The following NOTCH2NLC variants were observed in gnomAD, a reference collection of about 807,000 sequenced individuals.
The protein encoded by NOTCH2NLC is notch homolog 2 N-terminal-like protein C.
NOTCH2NLC carries 4 observed loss-of-function variants against 17.7 expected under a neutral mutation model. That is an observed-to-expected ratio of 0.23 (90% CI 0.11 to 0.52). The LOEUF is 0.52. NOTCH2NLC is among the 20% of genes least tolerant of loss of function. The pLI, the probability that NOTCH2NLC is intolerant of heterozygous loss-of-function variation, is 0.96. For synonymous variants in NOTCH2NLC, 18 were observed against 86.0 expected, an observed-to-expected ratio of 0.21 and a Z score of 4.38; for missense variants, 57 against 207.2, an observed-to-expected ratio of 0.28 and a Z score of 4.45.
chr1:149,390,711 G>C lies in NOTCH2NLC; in HGVS notation c.-77G>C, dbSNP rs1365508779. The stretch of plus-strand genomic sequence containing the variant: ...GGCATTTGCGCCTGTGCTTCGGACC[G>C]TAGCGCCAGGGCCTGAGCCTTTGAA... On this transcript the variant is annotated 5_prime_UTR_variant, in exon 1 of 5. Coordinates refer to ENST00000650865, the MANE Select transcript of NOTCH2NLC (RefSeq NM_001364013.2). 3 of 1,245,032 alleles carry C rather than the reference G, an allele frequency of 2.4e-6. No homozygotes were observed. The highest frequency in any genetic ancestry group is 1.6e-5 in the African/African-American group (1 of 62,308). 77.1% of individuals were successfully genotyped at this position (1,245,032 alleles called of 1,614,324 possible). A position where few individuals can be genotyped will look rare whatever the true frequency, so the allele number is the denominator to read the frequency against.
At chr1:149,460,873 TTCTTTCTTTC>T (rs2084642964) in intron 3 of NOTCH2NLC, among the ~76,000 whole-genome samples, 2 of 95,494 alleles carry the variant, frequency 2.1e-5, no homozygotes, top group Non-Finnish European at 4.6e-5. Context: ...CTTTCTTTCT[TTCTTTCTTTC>T]TTTCTTTCTT....
chr1:149,422,989 AG>A (rs1200146392), intron 1 of NOTCH2NLC, among the ~76,000 whole-genome samples: 2 of 145,608 alleles, frequency 1.4e-5, no homozygotes, highest in Non-Finnish European at 3.0e-5. Flanking sequence ...TAGTATGAAA[AG>A]TCTATTAGTA....
At chr1:149,417,399 C>A (rs1444238491) in intron 1 of NOTCH2NLC, among the ~76,000 whole-genome samples, 2 of 151,180 alleles carry the variant, frequency 1.3e-5, no homozygotes, top group Admixed American at 1.3e-4. Context: ...TGAGCCACCG[C>A]GCCCGGCCGG....
intron 1 of NOTCH2NLC, among the ~76,000 whole-genome samples, chr1:149,429,811 G>A (rs1264084541): frequency 4.7e-5 from 7 of 150,336 alleles, no homozygotes; most frequent in Non-Finnish European, 8.9e-5. Flanking sequence ...AGAGTGGTGT[G>A]GGTAGAGGAA....
chr1:149,451,790 C>CTGTTTG (rs2084592355), intron 2 of NOTCH2NLC, among the ~76,000 whole-genome samples: 1 of 82,260 alleles, frequency 1.2e-5, no homozygotes, highest in Non-Finnish European at 2.4e-5. Context: ...TGTGTTATGG[C>CTGTTTG]CTTTGCATTT....
intron 1 of NOTCH2NLC, among the ~76,000 whole-genome samples, chr1:149,392,510 TG>T (rs1234991743): frequency 6.7e-6 from 1 of 149,004 alleles, no homozygotes; most frequent in Non-Finnish European, 1.5e-5. Context: ...CTGTTGTTTC[TG>T]AAGCATTTAA....
chr1:149,415,106 G>T (rs2101475134), intron 1 of NOTCH2NLC, among the ~76,000 whole-genome samples: 1 of 110,908 alleles, frequency 9.0e-6, no homozygotes, highest in East Asian at 3.4e-4. Flanking sequence ...TAGAGTTAGG[G>T]CTTGGTAAAG....
chr1:149,424,692 A>C (rs1364707147), intron 1 of NOTCH2NLC, among the ~76,000 whole-genome samples: 1 of 151,140 alleles, frequency 6.6e-6, no homozygotes, highest in Non-Finnish European at 1.5e-5. Context: ...CTGAGGCTGA[A>C]TAATTTATAA....
At chr1:149,430,399 T>C (rs1464492629) in intron 1 of NOTCH2NLC, among the ~76,000 whole-genome samples, 3 of 140,066 alleles carry the variant, frequency 2.1e-5, no homozygotes, top group African/African-American at 8.0e-5. Context: ...TCTCCTTTTT[T>C]CTGGATCCTA....
chr1:149,454,575 A>G (rs1361336483), intron 2 of NOTCH2NLC, among the ~76,000 whole-genome samples: 3 of 150,560 alleles, frequency 2.0e-5, no homozygotes, highest in African/African-American at 7.3e-5. Context: ...TGGTGTTTAT[A>G]TGGTATCTTA....
At chr1:149,433,732 C>T (rs1227405267) in intron 2 of NOTCH2NLC, among the ~76,000 whole-genome samples, 8 of 148,702 alleles carry the variant, frequency 5.4e-5, no homozygotes, top group African/African-American at 2.0e-4. Context: ...CTCATACTCT[C>T]CAACCAAGGT....
intron 2 of NOTCH2NLC, among the ~76,000 whole-genome samples, chr1:149,431,579 AT>A (rs2084449708): frequency 7.1e-6 from 1 of 140,834 alleles, no homozygotes; most frequent in Admixed American, 7.2e-5. Context: ...AAATAAAAAA[AT>A]GTATATTAGA....
At chr1:149,426,576 CTTTTT>C (rs1224339764) in intron 1 of NOTCH2NLC, among the ~76,000 whole-genome samples, 153 of 104,390 alleles carry the variant, frequency 1.5e-3, no homozygotes, top group African/African-American at 4.5e-3. Flanking sequence ...TTCTTTTTGC[CTTTTT>C]TTTTTTTTTT....
chr1:149,424,407 C>G (rs2084399790), intron 1 of NOTCH2NLC, among the ~76,000 whole-genome samples: 1 of 150,162 alleles, frequency 6.7e-6, no homozygotes, highest in South Asian at 2.1e-4. Context: ...GTCACATTCT[C>G]TCTGCCCCTA....
chr1:149,400,296 T>C (rs1163065395), intron 1 of NOTCH2NLC, among the ~76,000 whole-genome samples: 1 of 138,168 alleles, frequency 7.2e-6, no homozygotes, highest in Non-Finnish European at 1.6e-5. Flanking sequence ...TACAGTGATA[T>C]TGAATGTTTT....
At chr1:149,462,231 A>G (rs2084654608) in intron 3 of NOTCH2NLC, among the ~76,000 whole-genome samples, 1 of 146,260 alleles carries the variant, frequency 6.8e-6, no homozygotes, top group Non-Finnish European at 1.5e-5. Context: ...TGAATACCAA[A>G]TTTACTAGTT....
rs1171555647 is a variant in NOTCH2NLC at position 149,417,097 on chromosome 1, C to CTTTTT, written c.136-13819_136-13815dup. Among the ~76,000 whole-genome samples, 55 of 69,600 alleles carry CTTTTT rather than the reference C, an allele frequency of 7.9e-4. 4 individuals carry two copies. Among genetic ancestry groups the CTTTTT allele is most frequent in the Admixed American group, 1.4e-3 (7 of 5,132 alleles). The allele number at this position is 69,600 out of a possible 152,430, so 45.7% of individuals were successfully genotyped here. A position where few individuals can be genotyped will look rare whatever the true frequency, so the allele number is the denominator to read the frequency against. ...AGATTATGGTGGATATCAGGTTTTC[C>CTTTTT]TTTTTTTTTTTTTTTTTTTTTTTTT... On this transcript the variant is annotated intron_variant, in intron 1 of 4. Transcript: ENST00000650865.
At chr1:149,392,597 AGAG>A (rs2084175658) in intron 1 of NOTCH2NLC, among the ~76,000 whole-genome samples, 1 of 151,142 alleles carries the variant, frequency 6.6e-6, no homozygotes, top group South Asian at 2.1e-4. Flanking sequence ...TTTAGGATAG[AGAG>A]GAGTATAATC....
chr1:149,427,348 C>T lies in NOTCH2NLC; in HGVS notation c.136-3594C>T, dbSNP rs1401224141. Among the ~76,000 whole-genome samples, 6 of 148,980 alleles carry T rather than the reference C, an allele frequency of 4.0e-5. 1 individual carries two copies. The East Asian group carries it at 5.9e-4, about 15-fold the overall frequency. On this transcript the variant is annotated intron_variant, in intron 1 of 4. Coordinates refer to ENST00000650865, the MANE Select transcript of NOTCH2NLC (RefSeq NM_001364013.2). ...ATGATTTTGATGGTTTTCAATTCTACGTATAAGTGAGAACATGCTGTATTT... is the reference window on the plus strand; with the variant it reads ...ATGATTTTGATGGTTTTCAATTCTATGTATAAGTGAGAACATGCTGTATTT...
Sources: allele counts gnomAD v4.1 joint callset (sites outside exome capture counted in the v4.1 genomes callset), GRCh38; gene constraint gnomAD v4.1.1; transcripts MANE v1.5; gene names NCBI Gene and HGNC (gene_info 2026-07-23, HGNC 2026-07-21).